Variants in C4orf50 observed in about 807,000 individuals in gnomAD.
C4orf50 encodes the protein uncharacterized protein C4orf50.
A neutral mutation model predicts 77.2 loss-of-function variants in C4orf50; 80 were observed. That is an observed-to-expected ratio of 1.04 (90% confidence interval 0.87 to 1.25). C4orf50 has a LOEUF of 1.25. Ranked by LOEUF, C4orf50 falls within the 50% of genes most tolerant of loss-of-function variation. The pLI is 0.00. For synonymous variants in C4orf50, 532 were observed against 465.3 expected (o/e 1.14, Z -1.84); for missense variants, 1,257 against 1,152.9 (o/e 1.09, Z -1.31).
intron 29 of C4orf50, 68 bp downstream of exon 7, chr4:5,980,106 C>G: frequency 5.1e-6 from 7 of 1,376,530 alleles, no homozygotes; most frequent in Non-Finnish European, 6.9e-6. Flanking sequence ...AATCTTTGTT[C>G]ACTCCCAAAA....
At chr4:5,939,227 G>C (rs1482264719) in intron 7 of C4orf50, among the ~76,000 whole-genome samples, 2 of 152,058 alleles carry the variant, frequency 1.3e-5, no homozygotes, top group Non-Finnish European at 2.9e-5. Flanking sequence ...TGGGCAACAA[G>C]ACTGAAACTC....
chr4:5,906,799 T>C (rs1716568042), intron 7 of C4orf50, among the ~76,000 whole-genome samples: 1 of 152,204 alleles, frequency 6.6e-6, no homozygotes, highest in South Asian at 2.1e-4. Context: ...TTTTTATCTA[T>C]CTGTAGGTAC....
downstream of C4orf50, among the ~76,000 whole-genome samples, chr4:5,954,538 G>C (rs1165499226): frequency 6.6e-6 from 1 of 152,042 alleles, no homozygotes; most frequent in Non-Finnish European, 1.5e-5. This position sits in a 1 kb window ranked among gnomAD's most constrained non-coding sequence, Gnocchi z 4.7. Flanking sequence ...GGGGGAGGGG[G>C]GTCAGCTCCA....
chr4:5,990,050 C>T, exon 28 of C4orf50: 1 of 1,352,150 alleles, frequency 7.4e-7, no homozygotes, highest in Non-Finnish European at 9.5e-7. Flanking sequence ...GGGGGTGCCA[C>T]TTCCTCATTC....
intron 7 of C4orf50, among the ~76,000 whole-genome samples, chr4:5,938,585 AT>A (rs3836556): frequency 0.54 from 81,094 of 151,522 alleles, 22,390 homozygotes; most frequent in Non-Finnish European, 0.59. Context: ...TGAACAGGCC[AT>A]TTTTTTTTCT....
chr4:5,967,366 G>A, intron 32 of C4orf50, 48 bp downstream of exon 10: 1 of 1,505,822 alleles, frequency 6.6e-7, no homozygotes, highest in Middle Eastern at 1.7e-4. Context: ...TGCCGGCCTG[G>A]ACTTTTTCTG....
intron 7 of C4orf50, among the ~76,000 whole-genome samples, chr4:5,925,246 C>A (rs1191912207): frequency 1.3e-5 from 2 of 151,750 alleles, no homozygotes; most frequent in Non-Finnish European, 2.9e-5. Context: ...AAGGGGAGAC[C>A]CGCAACCCCT....
intron 7 of C4orf50, among the ~76,000 whole-genome samples, chr4:5,930,398 G>A (rs1049386432): frequency 1.3e-5 from 2 of 152,106 alleles, no homozygotes; most frequent in Admixed American, 1.3e-4. Flanking sequence ...TCCTATCCCC[G>A]CAGGCTGACT....
chr4:6,002,883 C>T (rs1721894111), intron 25 of C4orf50, among the ~76,000 whole-genome samples: 1 of 152,236 alleles, frequency 6.6e-6, no homozygotes, highest in Non-Finnish European at 1.5e-5. Context: ...ATCTCTGAGC[C>T]TTCTGCCTCC....
rs760713709 is a variant in C4orf50 at position 5,919,501 on chromosome 4, G to T, written c.*2475-21313C>A. ...GCAGCCCCACAGAGACTGTGCAGGAGGCCATGTCGAGGACGTCTCCCAGGA... is the reference window on the plus strand; with the variant it reads ...GCAGCCCCACAGAGACTGTGCAGGATGCCATGTCGAGGACGTCTCCCAGGA... On this transcript the variant is annotated intron_variant, in intron 7 of 7. Coordinates refer to the C4orf50 transcript ENST00000324058. This position sits in a 1 kb window ranked among gnomAD's most constrained non-coding sequence, Gnocchi z 6.5. 1.3e-5 allele frequency among the ~76,000 whole-genome samples: 2 copies of T among 152,190 alleles called. No homozygotes were observed. Among genetic ancestry groups the T allele is most frequent in the African/African-American group, 2.4e-5 (1 of 41,444 alleles).
At chr4:5,964,626 G>A (rs1225865655) in intron 33 of C4orf50, among the ~76,000 whole-genome samples, 1 of 151,930 alleles carries the variant, frequency 6.6e-6, no homozygotes, top group Non-Finnish European at 1.5e-5. Flanking sequence ...AAATTAGCCG[G>A]GCATGGTGGT....
rs564179308 is a variant in C4orf50 at position 5,935,304 on chromosome 4, G to A, written c.*2474+21597C>T. Among the ~76,000 whole-genome samples, 11 of 152,320 alleles carry A rather than the reference G, an allele frequency of 7.2e-5. No individual in the cohort carries two copies. The South Asian group carries it at 8.3e-4, about 11-fold the overall frequency. ...TGAGCCAAGGTCCTTGGAGGGCTACGCCCCCAGTAACAGGGGGAATTAGAA... is the reference window on the plus strand; with the variant it reads ...TGAGCCAAGGTCCTTGGAGGGCTACACCCCCAGTAACAGGGGGAATTAGAA... On this transcript the variant is annotated intron_variant, in intron 7 of 7. Coordinates refer to the C4orf50 transcript ENST00000324058.
At chr4:5,988,388 C>T (rs377181553) in exon 28 of C4orf50, 183 of 1,613,786 alleles carry the variant, frequency 1.1e-4, no homozygotes, top group Admixed American at 4.5e-4. Context: ...TGCCCCTGAG[C>T]CACAGAACAC....
At chr4:5,940,085 C>A (rs575576605) in intron 7 of C4orf50, among the ~76,000 whole-genome samples, 2 of 152,318 alleles carry the variant, frequency 1.3e-5, no homozygotes, top group Non-Finnish European at 2.9e-5. Context: ...ATGACTCCTC[C>A]CATAGCTAAT....
At chr4:5,949,394 G>A (rs6855276) in intron 7 of C4orf50, among the ~76,000 whole-genome samples, 2 of 152,142 alleles carry the variant, frequency 1.3e-5, no homozygotes, top group South Asian at 2.1e-4. Context: ...GCTCCAACAC[G>A]GATGAACCTC....
rs750483452 is a variant in C4orf50 at position 5,976,005 on chromosome 4, G to T, written c.3865-50C>A. The T allele has an allele frequency of 8.8e-6, 13 of 1,478,598 alleles. No homozygotes were observed. The East Asian group carries it at 1.4e-4, about 15-fold the overall frequency. The allele number at this position is 1,478,598 out of a possible 1,614,324, so 91.6% of individuals were successfully genotyped here. ...CAACACTGCACTGTCACTTACCACTGTCCAGAGCTTCCCCAGGCAAGCTGG... is the reference window on the plus strand; with the variant it reads ...CAACACTGCACTGTCACTTACCACTTTCCAGAGCTTCCCCAGGCAAGCTGG... On this transcript the variant is annotated intron_variant, in intron 29 of 33. Coordinates refer to ENST00000531445, the Ensembl canonical transcript of C4orf50.
chr4:5,928,208 A>T (rs66568955), intron 7 of C4orf50, among the ~76,000 whole-genome samples: 5,298 of 152,342 alleles, frequency 0.035, 125 homozygotes, highest in Non-Finnish European at 0.046. Flanking sequence ...TTACTCGGAA[A>T]CAGTATCCAT....
intron 7 of C4orf50, among the ~76,000 whole-genome samples, chr4:5,936,574 A>AG (rs1405797059): frequency 6.6e-6 from 1 of 150,754 alleles, no homozygotes; most frequent in East Asian, 1.9e-4. Context: ...AAAAAAAAAA[A>AG]AAAAAAAAAG....
intron 7 of C4orf50, among the ~76,000 whole-genome samples, chr4:5,914,205 G>GTTTTTTTTTTTTTTTTTTTTTTTTTTTT (rs1207974269): frequency 1.3e-5 from 1 of 78,164 alleles, no homozygotes; most frequent in Non-Finnish European, 2.7e-5. Context: ...TTTTATGGGT[G>GTTTTTTTTTTTTTTTTTTTTTTTTTTTT]TTTTTTTTTT....
Sources: allele counts gnomAD v4.1 joint callset (sites outside exome capture counted in the v4.1 genomes callset), GRCh38; gene constraint gnomAD v4.1.1; non-coding constraint Gnocchi (gnomAD v3.1); transcripts MANE v1.5; gene names NCBI Gene and HGNC (gene_info 2026-07-23, HGNC 2026-07-21).